Variants in SRGAP1 observed in about 807,000 individuals in gnomAD.
SRGAP1 encodes the protein SLIT-ROBO Rho GTPase-activating protein 1.
A neutral mutation model predicts 121.9 loss-of-function variants in SRGAP1; 43 were observed. That is an observed-to-expected ratio of 0.35 (90% CI 0.28 to 0.46). SRGAP1 has a LOEUF of 0.46. Ranked by LOEUF, SRGAP1 falls within the 20% of genes least tolerant of loss-of-function variation. The pLI is 1.00. For missense variants in SRGAP1, 1,102 were observed against 1,350.9 expected, an observed-to-expected ratio of 0.82 and a Z score of 2.89; for synonymous variants, 447 against 485.4, an observed-to-expected ratio of 0.92 and a Z score of 1.04.
At chr12:63,908,110 T>C (rs768654978) in intron 1 of SRGAP1, among the ~76,000 whole-genome samples, 1 of 152,202 alleles carries the variant, frequency 6.6e-6, no homozygotes, top group Non-Finnish European at 1.5e-5. Context: ...TCTTGATTAA[T>C]TGTAGCTTCG....
intron 19 of SRGAP1, 121 bp from the exon 20 acceptor site, chr12:64,127,469 A>G: frequency 1.1e-6 from 1 of 933,132 alleles, no homozygotes; most frequent in Non-Finnish European, 1.5e-6. Context: ...AAGGGCTTTC[A>G]TGCATAATGC....
At chr12:64,072,586 T>C (rs1039809309) in intron 8 of SRGAP1, among the ~76,000 whole-genome samples, 3 of 152,012 alleles carry the variant, frequency 2.0e-5, no homozygotes, top group Non-Finnish European at 2.9e-5. Context: ...TGAAGAGACA[T>C]AGGGAGAAGA....
At chr12:63,980,099 G>A (rs2033207480) in intron 1 of SRGAP1, among the ~76,000 whole-genome samples, 1 of 152,198 alleles carries the variant, frequency 6.6e-6, no homozygotes, top group Non-Finnish European at 1.5e-5. Flanking sequence ...TGTCCGGGCT[G>A]GAGTGCCAGT....
intron 1 of SRGAP1, among the ~76,000 whole-genome samples, chr12:63,913,194 CTTTTTTTTT>C (rs759566545): frequency 1.1e-3 from 66 of 59,032 alleles, no homozygotes; most frequent in African/African-American, 3.9e-3. Flanking sequence ...GTAAATCCTT[CTTTTTTTTT>C]TTTTTTTTTT....
intron 1 of SRGAP1, among the ~76,000 whole-genome samples, chr12:63,910,607 T>C (rs2030446902): frequency 6.6e-6 from 1 of 152,144 alleles, no homozygotes; most frequent in South Asian, 2.1e-4. Flanking sequence ...TCATGGTACT[T>C]TAGAGGGGAA....
At position 64,150,934 on chromosome 12, in the gene SRGAP1, CAAAAAAAAAAAAAAA is replaced by C. The variant is rs750351170; in HGVS notation, c.*8274_*8288del. On this transcript the variant is annotated 3_prime_UTR_variant, in exon 22 of 22. Transcript: ENST00000355086. The stretch of plus-strand genomic sequence containing the variant: ...TGGGTGGAAGAGTGAGAAGCTATCT[CAAAAAAAAAAAAAAA>C]AAAAAAAAAAACATGGTCAAGATTT... 3 of 24,706 alleles carry C rather than the reference CAAAAAAAAAAAAAAA, an allele frequency of 1.2e-4. No individual in the cohort carries two copies. Among genetic ancestry groups the C allele is most frequent in the Admixed American group, 6.1e-4 (1 of 1,640 alleles). 1.5% of individuals were successfully genotyped at this position (24,706 alleles called of 1,614,324 possible). A position where few individuals can be genotyped will look rare whatever the true frequency, so the allele number is the denominator to read the frequency against.
At chr12:64,029,434 C>T (rs1335604080) in intron 4 of SRGAP1, among the ~76,000 whole-genome samples, 1 of 152,142 alleles carries the variant, frequency 6.6e-6, no homozygotes, top group African/African-American at 2.4e-5. Flanking sequence ...GCCCTGTGAT[C>T]AGGGAGCTAG....
chr12:64,109,008 G>A lies in SRGAP1; in HGVS notation c.1890G>A (p.Val630=). The A allele has an allele frequency of 6.3e-7, 1 of 1,584,238 alleles. No homozygotes were observed. The highest frequency in any genetic ancestry group is 1.2e-5 in the South Asian group (1 of 86,054). ...LLTLPRSVLI[V]MRYLFAFLNH... is the part of the protein sequence containing the mutation. ...CTTTGCCCAGGTCGGTCCTTATAGT[G>A]ATGAGGTACCTCTTTGCCTTCCTCA... The change falls in exon 16 of 22, where the codon GTG becomes GTA. Residue 630 remains valine (V), a synonymous_variant. Coordinates refer to ENST00000355086, the MANE Select transcript of SRGAP1 (RefSeq NM_020762.4).
intron 1 of SRGAP1, among the ~76,000 whole-genome samples, chr12:63,952,452 G>C (rs932124303): frequency 6.6e-6 from 1 of 152,136 alleles, no homozygotes; most frequent in Non-Finnish European, 1.5e-5. Context: ...GGAGTTTGAG[G>C]CTGCAGTGAG....
intron 10 of SRGAP1, among the ~76,000 whole-genome samples, chr12:64,084,037 G>A (rs1230873939): frequency 2.6e-5 from 4 of 152,192 alleles, no homozygotes; most frequent in African/African-American, 9.7e-5. Flanking sequence ...GGACTGGAAA[G>A]TAATGCCAGG....
At chr12:64,044,152 A>G (rs1406532583) in intron 6 of SRGAP1, among the ~76,000 whole-genome samples, 1 of 152,218 alleles carries the variant, frequency 6.6e-6, no homozygotes, top group East Asian at 1.9e-4. Flanking sequence ...AATTAGGTTT[A>G]TTTAGAGCTC....
At chr12:63,886,407 T>G (rs1339227761) in intron 1 of SRGAP1, among the ~76,000 whole-genome samples, 2 of 149,330 alleles carry the variant, frequency 1.3e-5, no homozygotes, top group African/African-American at 5.2e-5. Flanking sequence ...AAAATTTATA[T>G]GAAGTTGTAA....
At chr12:64,012,551 C>CTTTTTTTTTTTTTT (rs386376760) in intron 3 of SRGAP1, among the ~76,000 whole-genome samples, 5 of 77,662 alleles carry the variant, frequency 6.4e-5, no homozygotes, top group South Asian at 5.1e-4. Context: ...AAGTTATTAT[C>CTTTTTTTTTTTTTT]TTTTTTTTTT....
intron 1 of SRGAP1, among the ~76,000 whole-genome samples, chr12:63,861,568 G>A (rs1899452662): frequency 6.6e-6 from 1 of 152,066 alleles, no homozygotes; most frequent in Non-Finnish European, 1.5e-5. Flanking sequence ...CAAAGTGCTA[G>A]GAATACAGGC....
intron 21 of SRGAP1, among the ~76,000 whole-genome samples, chr12:64,136,960 T>A (rs1036316816): frequency 6.6e-5 from 10 of 152,280 alleles, no homozygotes; most frequent in African/African-American, 1.9e-4. Context: ...GGAAATTTTT[T>A]AAATTGTAAA....
chr12:64,020,996 G>A (rs2136472220), intron 4 of SRGAP1, among the ~76,000 whole-genome samples: 1 of 150,802 alleles, frequency 6.6e-6, no homozygotes, highest in East Asian at 1.9e-4. Flanking sequence ...CGGGTATGGA[G>A]GTAACATAAA....
Position 64,160,836 on chromosome 12 carries a change from C to A in SRGAP1, c.*18164C>A, listed in dbSNP as rs2037204059. The A allele has an allele frequency of 6.6e-6, 1 of 152,094 alleles. No homozygotes were observed. The highest frequency in any genetic ancestry group is 2.4e-5 in the African/African-American group (1 of 41,416). The allele number at this position is 152,094 out of a possible 1,614,324, so 9.4% of individuals were successfully genotyped here. On this transcript the variant is annotated 3_prime_UTR_variant, in exon 22 of 22. Coordinates refer to ENST00000355086, the MANE Select transcript of SRGAP1 (RefSeq NM_020762.4). ...AGATCGACAAACAAGAAGGATTGTG[C>A]CCATATTTCTCTATTCTCTCTAGCA...
chr12:64,137,150 G>C (rs898310877), intron 21 of SRGAP1, among the ~76,000 whole-genome samples: 2 of 151,966 alleles, frequency 1.3e-5, no homozygotes, highest in African/African-American at 4.8e-5. Context: ...TGTAATCTGA[G>C]TTACTCGGGT....
chr12:64,130,827 G>A (rs1024345735), intron 21 of SRGAP1, among the ~76,000 whole-genome samples: 5 of 152,216 alleles, frequency 3.3e-5, no homozygotes, highest in African/African-American at 4.8e-5. Context: ...ATTGTGTGCA[G>A]GATAGGCAAA....
Sources: gnomAD v4.1 joint callset for allele counts (sites outside exome capture counted in the v4.1 genomes callset) on GRCh38, gnomAD v4.1.1 for gene constraint, MANE v1.5 for transcripts, NCBI Gene and HGNC (gene_info 2026-07-23, HGNC 2026-07-21) for gene names.